SMYD3: variants seen among roughly 807,000 people sequenced by gnomAD.
The protein encoded by SMYD3 is histone-lysine N-methyltransferase SMYD3.
In SMYD3, 36 loss-of-function variants were observed where a neutral mutation model predicts 57.7. That is an observed-to-expected ratio of 0.62 (90% CI 0.48 to 0.82). The LOEUF is 0.82. SMYD3 is among the 40% of genes least tolerant of loss of function. The probability of loss-of-function intolerance (pLI) is 0.00; values close to 1 mark genes in which losing one functional copy is unlikely to be tolerated. For missense variants in SMYD3, 515 were observed against 538.8 expected (o/e 0.96, Z 0.44); for synonymous variants, 211 against 195.0 (o/e 1.08, Z -0.68).
At chr1:245,864,434 AACCTTTCCACAATAAAGTACTGATACCT>A (rs1203181534) in intron 8 of SMYD3, among the ~76,000 whole-genome samples, 3 of 152,240 alleles carry the variant, frequency 2.0e-5, no homozygotes, top group Non-Finnish European at 4.4e-5. Context: ...AACATGGATG[AACCTTTCCACAATAAAGTACTGATACCT>A]GCTACAACAT....
At chr1:245,759,148 C>A (rs1364602690) in intron 11 of SMYD3, among the ~76,000 whole-genome samples, 2 of 152,158 alleles carry the variant, frequency 1.3e-5, no homozygotes, top group African/African-American at 4.8e-5. Context: ...CTTATCTTTT[C>A]TCTTTTTTGG....
chr1:245,922,154 G>T (rs2056015957), intron 7 of SMYD3, among the ~76,000 whole-genome samples: 1 of 151,996 alleles, frequency 6.6e-6, no homozygotes, highest in African/African-American at 2.4e-5. Flanking sequence ...GTTATTTATT[G>T]AATATAATTT....
At chr1:246,499,073 G>C (rs1189154223) in intron 1 of SMYD3, among the ~76,000 whole-genome samples, 1 of 151,988 alleles carries the variant, frequency 6.6e-6, no homozygotes, top group African/African-American at 2.4e-5. Flanking sequence ...GGGATTACAG[G>C]TGTAAGCCAC....
intron 5 of SMYD3, among the ~76,000 whole-genome samples, chr1:246,061,343 C>G (rs1011701989): frequency 7.9e-5 from 12 of 152,062 alleles, no homozygotes; most frequent in Admixed American, 3.3e-4. Context: ...CACATATCAC[C>G]TGGAAAAAAT....
intron 5 of SMYD3, among the ~76,000 whole-genome samples, chr1:246,103,840 C>T (rs1398144520): frequency 2.0e-5 from 3 of 152,248 alleles, no homozygotes; most frequent in Non-Finnish European, 4.4e-5. Context: ...CTGATCACTT[C>T]TCAGCAGGTG....
At chr1:245,824,723 G>C (rs941224706) in intron 10 of SMYD3, among the ~76,000 whole-genome samples, 1 of 152,126 alleles carries the variant, frequency 6.6e-6, no homozygotes, top group Non-Finnish European at 1.5e-5. Context: ...AGGTGTGGTG[G>C]TGCATGCCTG....
chr1:245,901,015 GTTC>G (rs2054148203), intron 8 of SMYD3, among the ~76,000 whole-genome samples: 1 of 152,192 alleles, frequency 6.6e-6, no homozygotes, highest in Non-Finnish European at 1.5e-5. Flanking sequence ...ATTTTCAAAA[GTTC>G]TTCTTAAGGC....
In SMYD3 at chr1:246,354,719, T is replaced by C. The variant is rs140026977; in HGVS notation, c.228+312A>G. On this transcript the variant is annotated intron_variant, in intron 2 of 11. Transcript: ENST00000490107. Reference sequence around the variant, plus strand: ...CACAAGCAAATGCTGCAAAGACACATGAGAAACTTAACAGTGATTGCCTGT... The same window carrying C: ...CACAAGCAAATGCTGCAAAGACACACGAGAAACTTAACAGTGATTGCCTGT... 3.3e-5 allele frequency among the ~76,000 whole-genome samples: 5 copies of C among 151,536 alleles called. No homozygotes were observed. In the East Asian group the frequency reaches 9.7e-4, roughly 29 times the overall value.
chr1:245,882,770 G>A (rs940339353), intron 8 of SMYD3, among the ~76,000 whole-genome samples: 9 of 152,062 alleles, frequency 5.9e-5, no homozygotes, highest in African/African-American at 1.4e-4. Context: ...GACACAAAAC[G>A]TTTAAATTAA....
intron 5 of SMYD3, among the ~76,000 whole-genome samples, chr1:246,152,524 C>G (rs1235517645): frequency 6.6e-6 from 1 of 152,196 alleles, no homozygotes. Context: ...GCAAGGGAAC[C>G]AATATTCTCC....
At chr1:246,374,154 T>TA (rs767353390) in intron 1 of SMYD3, among the ~76,000 whole-genome samples, 2,731 of 149,626 alleles carry the variant, frequency 0.018, 51 homozygotes, top group Non-Finnish European at 0.029. Flanking sequence ...AATCTAAACT[T>TA]AAAAAAAAAA....
chr1:245,851,988 C>T (rs896782103), intron 10 of SMYD3, among the ~76,000 whole-genome samples: 1 of 152,214 alleles, frequency 6.6e-6, no homozygotes, highest in Non-Finnish European at 1.5e-5. Context: ...GCTACACATA[C>T]ATCAGCAGCA....
At chr1:246,390,060 A>C (rs1264687395) in intron 1 of SMYD3, among the ~76,000 whole-genome samples, 1 of 152,032 alleles carries the variant, frequency 6.6e-6, no homozygotes, top group African/African-American at 2.4e-5. Context: ...GGTGGGAGAC[A>C]AAAAGGGAAA....
chr1:245,868,055 A>G (rs1366891543), intron 8 of SMYD3, among the ~76,000 whole-genome samples: 2 of 152,244 alleles, frequency 1.3e-5, no homozygotes, highest in Non-Finnish European at 2.9e-5. Context: ...ATATTTAACA[A>G]ATGCTCTGCT....
chr1:246,382,610 T>C (rs1205095662), intron 1 of SMYD3, among the ~76,000 whole-genome samples: 1 of 151,494 alleles, frequency 6.6e-6, no homozygotes, highest in African/African-American at 2.4e-5. Context: ...TCCAAGCTCA[T>C]TCCAGCAGAC....
chr1:246,396,439 T>C (rs893966184), intron 1 of SMYD3, among the ~76,000 whole-genome samples: 11 of 152,336 alleles, frequency 7.2e-5, no homozygotes, highest in African/African-American at 2.6e-4. Context: ...ATCTGGACCA[T>C]CAGACAGCTT....
intron 1 of SMYD3, among the ~76,000 whole-genome samples, chr1:246,443,981 A>G (rs1236076228): frequency 1.3e-5 from 2 of 152,162 alleles, no homozygotes; most frequent in Non-Finnish European, 2.9e-5. Flanking sequence ...TCACCACCAC[A>G]GACAGACAAC....
intron 1 of SMYD3, among the ~76,000 whole-genome samples, chr1:246,395,781 T>TCAGACAGGGAAGAGGAACCCACCAC (rs1558443065): frequency 2.5e-4 from 33 of 134,098 alleles, no homozygotes; most frequent in African/African-American, 9.8e-4. Context: ...GAACCCACCA[T>TCAGACAGGGAAGAGGAACCCACCAC]GGTCAGACAG....
At chr1:245,962,544 T>C (rs2058037257) in intron 5 of SMYD3, among the ~76,000 whole-genome samples, 1 of 152,168 alleles carries the variant, frequency 6.6e-6, no homozygotes, top group Non-Finnish European at 1.5e-5. Context: ...ACAAGCCATA[T>C]GATTTTAGGT....
Sources: allele counts gnomAD v4.1 joint callset (sites outside exome capture counted in the v4.1 genomes callset), GRCh38; gene constraint gnomAD v4.1.1; transcripts MANE v1.5; gene names NCBI Gene and HGNC (gene_info 2026-07-23, HGNC 2026-07-21).